The following SLC1A1 variants were observed in gnomAD, a reference collection of about 807,000 sequenced individuals.
SLC1A1 encodes solute carrier family 1 member 1.
SLC1A1 carries 43 observed loss-of-function variants against 53.3 expected under a neutral mutation model. The observed-to-expected ratio is 0.81, with a 90% CI of 0.63 to 1.04. The LOEUF is 1.04. Among genes scored for constraint, SLC1A1 ranks in the 50% least tolerant of loss-of-function variants. The pLI is 0.00. For missense variants in SLC1A1, 748 were observed against 664.9 expected, an observed-to-expected ratio of 1.12 and a Z score of -1.37; for synonymous variants, 307 against 243.2, an observed-to-expected ratio of 1.26 and a Z score of -2.44.
chr9:4,583,137 G>C lies in SLC1A1; in HGVS notation c.1293G>C (p.Glu431Asp). 1 of 1,614,214 alleles carries C rather than the reference G, an allele frequency of 6.2e-7. No homozygotes were observed. Among genetic ancestry groups the C allele is most frequent in the Non-Finnish European group, 8.5e-7 (1 of 1,180,044 alleles). The change falls in exon 11 of 12, where the codon GAG (glutamate) becomes GAC (aspartate). Residue 431 changes from glutamate to aspartate, a missense_variant. Transcript: ENST00000262352. The surrounding 1 kb of genome is among the most constrained non-coding windows in gnomAD (Gnocchi z 4.6). ...TGAGTGCCGTGGGCCTGCCCGCCGAGGATGTCACCCTGATCATTGCTGTCG... is the reference window on the plus strand; with the variant it reads ...TGAGTGCCGTGGGCCTGCCCGCCGACGATGTCACCCTGATCATTGCTGTCG... ...IVLSAVGLPA[E>D]DVTLIIAVDW...
chr9:4,490,783 G>T lies in SLC1A1; in HGVS notation c.91+13G>T, dbSNP rs758797947. The T allele has an allele frequency of 6.2e-7, 1 of 1,606,486 alleles. No individual in the cohort carries two copies. Among genetic ancestry groups the T allele is most frequent in the Non-Finnish European group, 8.5e-7 (1 of 1,174,290 alleles). On this transcript the variant is annotated intron_variant, in intron 1 of 11. Transcript: ENST00000262352. ...GCGGTGGTGCTAGGTGAGCGGCGCG[G>T]CGGGTGGGCGATGCGCGCACCCTCA...
chr9:4,543,501 G>A (rs1042967840), intron 1 of SLC1A1, among the ~76,000 whole-genome samples: 1 of 152,170 alleles, frequency 6.6e-6, no homozygotes, highest in African/African-American at 2.4e-5. Context: ...TCATTAAATT[G>A]TGTTATCCAT....
chr9:4,501,839 G>C (rs1469513240), intron 1 of SLC1A1, among the ~76,000 whole-genome samples: 2 of 151,722 alleles, frequency 1.3e-5, no homozygotes, highest in Non-Finnish European at 2.9e-5. Flanking sequence ...CCTTATAGGA[G>C]AGAGCTTAGG....
chr9:4,513,877 T>C (rs1204286363), intron 1 of SLC1A1, among the ~76,000 whole-genome samples: 1 of 152,208 alleles, frequency 6.6e-6, no homozygotes, highest in Admixed American at 6.5e-5. Flanking sequence ...GAACATACCA[T>C]TGATACGTAC....
chr9:4,571,148 G>A (rs1819997863), intron 6 of SLC1A1, among the ~76,000 whole-genome samples: 1 of 152,088 alleles, frequency 6.6e-6, no homozygotes, highest in South Asian at 2.1e-4. Context: ...ACCAAATACT[G>A]CCTGTTCTTT....
At chr9:4,584,463 G>A (rs1821404727) in intron 11 of SLC1A1, among the ~76,000 whole-genome samples, 1 of 152,166 alleles carries the variant, frequency 6.6e-6, no homozygotes, top group Admixed American at 6.5e-5. Context: ...TCCAATTGGA[G>A]GTATGGGATA....
At chr9:4,508,172 A>G (rs1370615295) in intron 1 of SLC1A1, among the ~76,000 whole-genome samples, 1 of 152,192 alleles carries the variant, frequency 6.6e-6, no homozygotes, top group Non-Finnish European at 1.5e-5. Flanking sequence ...AAACAAGATG[A>G]TAGGTAGAAT....
intron 1 of SLC1A1, among the ~76,000 whole-genome samples, chr9:4,521,113 A>T (rs931822855): frequency 1.7e-4 from 26 of 152,124 alleles, no homozygotes; most frequent in Admixed American, 9.8e-4. Flanking sequence ...TATTTTTAAC[A>T]ATTTGGTTGT....
intron 10 of SLC1A1, among the ~76,000 whole-genome samples, chr9:4,581,534 T>A (rs374830826): frequency 1.3e-5 from 2 of 152,210 alleles, no homozygotes; most frequent in East Asian, 1.9e-4. Context: ...TATAGAGACA[T>A]GGATTACTGT....
At chr9:4,533,180 A>C (rs1816542579) in intron 1 of SLC1A1, among the ~76,000 whole-genome samples, 1 of 152,178 alleles carries the variant, frequency 6.6e-6, no homozygotes, top group Non-Finnish European at 1.5e-5. Context: ...ACCAGCTAAG[A>C]TCATAATGGC....
chr9:4,500,400 C>T (rs994259644), intron 1 of SLC1A1, among the ~76,000 whole-genome samples: 1 of 152,148 alleles, frequency 6.6e-6, no homozygotes, highest in South Asian at 2.1e-4. Context: ...CTCCACCTCC[C>T]AGGTTCAAAC....
At chr9:4,498,194 G>C (rs1366501286) in intron 1 of SLC1A1, among the ~76,000 whole-genome samples, 1 of 152,132 alleles carries the variant, frequency 6.6e-6, no homozygotes, top group Non-Finnish European at 1.5e-5. Context: ...GGTTCAAAGG[G>C]CATTACAAGA....
intron 2 of SLC1A1, among the ~76,000 whole-genome samples, chr9:4,557,363 G>C (rs1474220574): frequency 6.6e-6 from 1 of 152,174 alleles, no homozygotes; most frequent in Non-Finnish European, 1.5e-5. Flanking sequence ...TTTGATAATG[G>C]AGTTAAGCTA....
chr9:4,491,390 G>A (rs1031333552), intron 1 of SLC1A1, among the ~76,000 whole-genome samples: 1 of 152,252 alleles, frequency 6.6e-6, no homozygotes, highest in African/African-American at 2.4e-5. Context: ...ATTCTGGGAT[G>A]TGCCACTGTG....
intron 1 of SLC1A1, among the ~76,000 whole-genome samples, chr9:4,518,234 C>CAAAAAAAA (rs34559140): frequency 2.5e-4 from 15 of 60,424 alleles, no homozygotes; most frequent in Non-Finnish European, 3.0e-4. Context: ...TATTCCACCT[C>CAAAAAAAA]AAAAAAAAAA....
At chr9:4,512,509 A>G (rs77286496) in intron 1 of SLC1A1, among the ~76,000 whole-genome samples, 9 of 150,064 alleles carry the variant, frequency 6.0e-5, no homozygotes, top group African/African-American at 2.3e-4. Context: ...TCCTGTCTCC[A>G]AAAAAAACAA....
intron 1 of SLC1A1, among the ~76,000 whole-genome samples, chr9:4,508,324 G>C (rs1485050720): frequency 6.6e-6 from 1 of 152,178 alleles, no homozygotes; most frequent in East Asian, 1.9e-4. Flanking sequence ...ACACATGCAT[G>C]GTACTGATAC....
rs763619233 is a variant in SLC1A1 at position 4,566,113 on chromosome 9, T to A, written c.483+24T>A. The A allele has an allele frequency of 1.0e-5, 16 of 1,594,244 alleles. No homozygotes were observed. The Admixed American group carries it at 1.2e-4, about 12-fold the overall frequency. On this transcript the variant is annotated intron_variant, in intron 5 of 11. Coordinates refer to ENST00000262352, the MANE Select transcript of SLC1A1 (RefSeq NM_004170.6). ...AGGTAATATTAATTACTTGTGCCCT[T>A]AACTTGCTACCCTCTTCCCATTATC... is the stretch of plus-strand genomic sequence containing the variant.
At position 4,573,994 on chromosome 9, in the gene SLC1A1, C is replaced by T; in HGVS notation, c.855C>T (p.Tyr285=). 2 of 1,611,198 alleles carry T rather than the reference C, an allele frequency of 1.2e-6. No individual in the cohort carries two copies. The highest frequency in any genetic ancestry group is 1.7e-6 in the Non-Finnish European group (2 of 1,177,290). The change falls in exon 8 of 12, where the codon TAC becomes TAT. Residue 285 remains tyrosine (Y), a synonymous_variant. Coordinates refer to ENST00000262352, the MANE Select transcript of SLC1A1 (RefSeq NM_004170.6). ...AAATATTCCGCAAGCTGGGCCTTTA[C>T]ATGGCCACAGTCCTGACTGGGTATG... is the stretch of plus-strand genomic sequence containing the variant. The part of the protein sequence containing the change: ...DWEIFRKLGL[Y]MATVLTGLAI...
Sources: gnomAD v4.1 joint callset for allele counts (sites outside exome capture counted in the v4.1 genomes callset) on GRCh38, gnomAD v4.1.1 for gene constraint, Gnocchi (gnomAD v3.1) non-coding constraint, MANE v1.5 for transcripts, NCBI Gene and HGNC (gene_info 2026-07-23, HGNC 2026-07-21) for gene names.